The following TCF12 variants were observed in gnomAD, a reference collection of about 807,000 sequenced individuals.
TCF12 encodes the protein transcription factor 12, also known as DNA-binding protein HTF4.
TCF12 carries 45 observed loss-of-function variants against 86.0 expected under a neutral mutation model. The observed-to-expected ratio is 0.52, with a 90% CI of 0.41 to 0.67. The LOEUF (loss-of-function observed/expected upper bound fraction) is 0.67. Among genes scored for constraint, TCF12 ranks in the 30% least tolerant of loss-of-function variants. The pLI is 0.00. For missense variants in TCF12, 881 were observed against 859.9 expected, an observed-to-expected ratio of 1.02 and a Z score of -0.31; for synonymous variants, 330 against 299.6, an observed-to-expected ratio of 1.10 and a Z score of -1.05.
intron 19 of TCF12, chr15:57,278,507 C>G (rs1479334478): frequency 6.6e-6 from 1 of 151,638 alleles, no homozygotes; most frequent in East Asian, 1.9e-4. Flanking sequence ...GAAAAATAAA[C>G]AGTTATATGA....
intron 5 of TCF12, among the ~76,000 whole-genome samples, chr15:57,142,304 T>TATAG (rs60126987): frequency 0.019 from 2,841 of 149,702 alleles, 33 homozygotes; most frequent in Admixed American, 0.037. Context: ...CTCACACTTT[T>TATAG]ATAGATAGAT....
chr15:57,217,272 G>T (rs570941510), intron 8 of TCF12, among the ~76,000 whole-genome samples: 23 of 152,064 alleles, frequency 1.5e-4, no homozygotes, highest in African/African-American at 5.5e-4. Context: ...AAAAGTAACT[G>T]TGTTTTTTTC....
At chr15:57,236,450 G>A (rs1419960759) in intron 12 of TCF12, among the ~76,000 whole-genome samples, 1 of 152,150 alleles carries the variant, frequency 6.6e-6, no homozygotes, top group Non-Finnish European at 1.5e-5. Flanking sequence ...ATTTTGAAAT[G>A]GTGACTGACT....
chr15:56,951,296 C>T (rs762232794), intron 3 of TCF12, among the ~76,000 whole-genome samples: 1 of 152,048 alleles, frequency 6.6e-6, no homozygotes, highest in Non-Finnish European at 1.5e-5. Context: ...TTTCTAATTA[C>T]TAATGATGTT....
At chr15:57,003,150 G>A (rs2064147660) in intron 3 of TCF12, among the ~76,000 whole-genome samples, 1 of 152,150 alleles carries the variant, frequency 6.6e-6, no homozygotes, top group African/African-American at 2.4e-5. Context: ...GAGGAAATCT[G>A]GAGGTAATGT....
At chr15:57,030,013 AAGAGT>A (rs1483708419) in intron 3 of TCF12, among the ~76,000 whole-genome samples, 38 of 152,148 alleles carry the variant, frequency 2.5e-4, no homozygotes, top group African/African-American at 6.3e-4. Flanking sequence ...TTTTGGAGAT[AAGAGT>A]AGAGTCGCTA....
chr15:56,922,038 A>G (rs1439150587), intron 3 of TCF12, among the ~76,000 whole-genome samples: 1 of 151,946 alleles, frequency 6.6e-6, no homozygotes, highest in African/African-American at 2.4e-5. Context: ...ATTATTCTTG[A>G]TCAAAAGGAC....
intron 5 of TCF12, chr15:57,092,172 T>C: frequency 6.6e-6 from 2 of 304,614 alleles, no homozygotes; most frequent in Admixed American, 9.1e-5. Flanking sequence ...CATTACATGT[T>C]TTCTGGGGCA....
intron 13 of TCF12, among the ~76,000 whole-genome samples, chr15:57,249,280 A>G (rs2059998952): frequency 1.3e-5 from 2 of 152,184 alleles, no homozygotes; most frequent in African/African-American, 2.4e-5. Context: ...TTATAAAATT[A>G]GCCCACAAGC....
intron 4 of TCF12, among the ~76,000 whole-genome samples, chr15:57,088,210 A>T (rs149373285): frequency 6.6e-6 from 1 of 152,198 alleles, no homozygotes; most frequent in African/African-American, 2.4e-5. Flanking sequence ...CCTTCAACCT[A>T]TGTTCTCCAG....
chr15:57,252,848 A>G (rs1404525074), intron 15 of TCF12, among the ~76,000 whole-genome samples: 1 of 152,072 alleles, frequency 6.6e-6, no homozygotes, highest in Admixed American at 6.5e-5. Context: ...AGACAAAATT[A>G]AAACTTAAAC....
At chr15:56,939,976 T>G (rs1400875049) in intron 3 of TCF12, among the ~76,000 whole-genome samples, 9 of 100,618 alleles carry the variant, frequency 8.9e-5, no homozygotes, top group Non-Finnish European at 2.6e-5. Context: ...TGTTTTTTTT[T>G]TTTTTTTTTT....
At chr15:57,264,194 G>GTT (rs1567013145) in intron 18 of TCF12, among the ~76,000 whole-genome samples, 2 of 15,450 alleles carry the variant, frequency 1.3e-4, no homozygotes, top group African/African-American at 1.9e-4. Context: ...TCTTTTGTAA[G>GTT]CTTTTTTTTT....
In TCF12 at chr15:57,155,521, A is replaced by C. The variant is rs187120643; in HGVS notation, c.326-10881A>C. ...ATATTTAAGTCTTAGCAGGCCAGGC[A>C]TGGTGGCTCACCCCTGTAATCCCAT... On this transcript the variant is annotated intron_variant, in intron 5 of 20. Transcript: ENST00000333725. Among the ~76,000 whole-genome samples, 1,101 of 152,290 alleles carry C rather than the reference A, an allele frequency of 7.2e-3. 13 individuals are homozygous for C. Among genetic ancestry groups the C allele is most frequent in the African/African-American group, 0.025 (1,023 of 41,560 alleles).
At chr15:57,128,141 G>A (rs533677215) in intron 5 of TCF12, among the ~76,000 whole-genome samples, 42 of 152,170 alleles carry the variant, frequency 2.8e-4, no homozygotes, top group African/African-American at 9.6e-4. Context: ...ATGTATGTCC[G>A]CTTCAAGTGT....
chr15:57,155,216 C>G (rs1272545424), intron 5 of TCF12, among the ~76,000 whole-genome samples: 1 of 151,940 alleles, frequency 6.6e-6, no homozygotes, highest in Non-Finnish European at 1.5e-5. Context: ...TTTTTCCTTC[C>G]ATCCTTCATT....
chr15:57,007,852 CCCTTCCTT>C (rs60825721), intron 3 of TCF12, among the ~76,000 whole-genome samples: 3,520 of 101,154 alleles, frequency 0.035, 103 homozygotes, highest in South Asian at 0.1. Context: ...CTCTTTCCCT[CCCTTCCTT>C]CCTTCCTTCC....
At chr15:57,197,078 ACCTATTACACTAAGTGC>A (rs1366919631) in intron 7 of TCF12, among the ~76,000 whole-genome samples, 1 of 150,964 alleles carries the variant, frequency 6.6e-6, no homozygotes, top group Non-Finnish European at 1.5e-5. Flanking sequence ...TATCAACATG[ACCTATTACACTAAGTGC>A]CCCTCTGCAA....
intron 4 of TCF12, among the ~76,000 whole-genome samples, chr15:57,078,234 G>A (rs1286116277): frequency 6.6e-6 from 1 of 152,110 alleles, no homozygotes; most frequent in Non-Finnish European, 1.5e-5. Context: ...AGCTGTGCTG[G>A]TGTATTAGCA....
Sources: gnomAD v4.1 joint callset for allele counts (sites outside exome capture counted in the v4.1 genomes callset) on GRCh38, gnomAD v4.1.1 for gene constraint, MANE v1.5 for transcripts, NCBI Gene and HGNC (gene_info 2026-07-23, HGNC 2026-07-21) for gene names.